The following PLD5 variants were observed in gnomAD, a reference collection of about 807,000 sequenced individuals.
The protein encoded by PLD5 is phospholipase D family member 5, also known as inactive phospholipase D5.
Under a neutral mutation model 61.1 loss-of-function variants are expected in PLD5, and 36 were observed. That is an observed-to-expected ratio of 0.59 (90% CI 0.45 to 0.78). The LOEUF (loss-of-function observed/expected upper bound fraction) is 0.78, where lower values mean the gene tolerates loss of function less well. Among genes scored for constraint, PLD5 ranks in the 30% least tolerant of loss-of-function variants. The pLI is 0.00. For synonymous variants in PLD5, 243 were observed against 242.8 expected, an observed-to-expected ratio of 1.00 and a Z score of -0.01; for missense variants, 515 against 644.4, an observed-to-expected ratio of 0.80 and a Z score of 2.17.
At chr1:242,453,991 T>G (rs894487859) in intron 1 of PLD5, among the ~76,000 whole-genome samples, 4 of 152,126 alleles carry the variant, frequency 2.6e-5, no homozygotes, top group African/African-American at 9.7e-5. Context: ...GCGCTGGTGA[T>G]TAGAGACCCT....
Position 242,162,416 on chromosome 1 carries a change from C to A in PLD5, c.736-37751G>T, listed in dbSNP as rs188196896. On this transcript the variant is annotated intron_variant, in intron 5 of 9. Transcript: ENST00000536534. ...CACTAGGCAATGACTACAACCATTA[C>A]AGGAAGCAGGTCAATATGATTATTG... Among the ~76,000 whole-genome samples the A allele has an allele frequency of 3.3e-5, 5 of 152,234 alleles. No individual in the cohort carries two copies. In the South Asian group the frequency reaches 1.0e-3, roughly 32 times the overall value.
At chr1:242,235,101 G>A (rs390956) in intron 4 of PLD5, among the ~76,000 whole-genome samples, 113,745 of 152,090 alleles carry the variant, frequency 0.75, 42,618 homozygotes, top group South Asian at 0.84. Context: ...CTGAAACGTG[G>A]ATCTCTGTGC....
At chr1:242,399,462 G>A (rs920387690) in intron 1 of PLD5, among the ~76,000 whole-genome samples, 13 of 152,248 alleles carry the variant, frequency 8.5e-5, no homozygotes, top group African/African-American at 2.9e-4. Context: ...AGAAAATGCC[G>A]GATATGTAAA....
At chr1:242,197,194 C>T (rs1475615027) in intron 5 of PLD5, among the ~76,000 whole-genome samples, 1 of 152,194 alleles carries the variant, frequency 6.6e-6, no homozygotes, top group Non-Finnish European at 1.5e-5. Flanking sequence ...CCTTCCTCCC[C>T]TTCCTTACTG....
In PLD5 at chr1:242,288,537, A is replaced by G. The variant is rs1384314657; in HGVS notation, c.327-7T>C. 4.4e-6 allele frequency: 7 copies of G among 1,591,498 alleles called. No individual in the cohort carries two copies. In the Admixed American group the frequency reaches 1.1e-4, roughly 25 times the overall value. ...ATTTTCCACCAGGGCAATTCTTAGA[A>G]AAGATTTTGAAAAACAAACAAACAA... On this transcript the variant is annotated splice_polypyrimidine_tract_variant and splice_region_variant and intron_variant, in intron 2 of 9. Coordinates refer to ENST00000536534, the MANE Select transcript of PLD5 (RefSeq NM_001372062.1).
chr1:242,289,610 C>T (rs1300011945), intron 2 of PLD5, among the ~76,000 whole-genome samples: 1 of 152,152 alleles, frequency 6.6e-6, no homozygotes, highest in Admixed American at 6.5e-5. Flanking sequence ...CTGCCTTGGC[C>T]TCCCAAAGTG....
At chr1:242,297,438 G>T (rs1274169573) in intron 2 of PLD5, among the ~76,000 whole-genome samples, 5 of 135,320 alleles carry the variant, frequency 3.7e-5, no homozygotes, top group African/African-American at 1.4e-4. Flanking sequence ...GCAGGGTCTT[G>T]CTCTGTCATC....
At chr1:242,376,759 G>A (rs771361085) in intron 1 of PLD5, among the ~76,000 whole-genome samples, 5 of 152,066 alleles carry the variant, frequency 3.3e-5, no homozygotes, top group East Asian at 3.9e-4. Flanking sequence ...AATACTTATC[G>A]AGGATATATA....
At chr1:242,184,073 G>C (rs1296946218) in intron 5 of PLD5, among the ~76,000 whole-genome samples, 2 of 152,134 alleles carry the variant, frequency 1.3e-5, no homozygotes, top group African/African-American at 2.4e-5. Flanking sequence ...GTGTGGACCT[G>C]TTCAGCACTG....
At chr1:242,528,830 A>G (rs181503999), upstream of PLD5, among the ~76,000 whole-genome samples, 7 of 152,364 alleles carry the variant, frequency 4.6e-5, no homozygotes, top group East Asian at 1.3e-3. Flanking sequence ...CGATAAAAAA[A>G]TCTCAAATAT....
rs1450360262 is a variant in PLD5 at position 242,170,272 on chromosome 1, T to A, written c.736-45607A>T. Among the ~76,000 whole-genome samples, 3 of 152,194 alleles carry A rather than the reference T, an allele frequency of 2.0e-5. No individual in the cohort carries two copies. The East Asian group carries it at 5.8e-4, about 29-fold the overall frequency. ...ATCTTTGCTGTTCTGCAGCCTCCGC[T>A]AGTGATAACCTAGGCAAACAGGGTC... On this transcript the variant is annotated intron_variant, in intron 5 of 9. Transcript: ENST00000536534.
At chr1:242,198,375 C>G (rs1668774107) in intron 5 of PLD5, among the ~76,000 whole-genome samples, 1 of 152,156 alleles carries the variant, frequency 6.6e-6, no homozygotes, top group Non-Finnish European at 1.5e-5. Context: ...AGTCCTGAAA[C>G]TCTTGCAGAA....
intron 3 of PLD5, among the ~76,000 whole-genome samples, chr1:242,285,906 G>A (rs529100676): frequency 1.4e-4 from 22 of 152,010 alleles, no homozygotes; most frequent in Admixed American, 1.2e-3. Flanking sequence ...TCAGGAATTC[G>A]AGACCAGCCT....
At chr1:242,476,166 C>A (rs1027934933) in intron 1 of PLD5, among the ~76,000 whole-genome samples, 9 of 152,046 alleles carry the variant, frequency 5.9e-5, no homozygotes, top group African/African-American at 2.2e-4. Flanking sequence ...ACCAGCCTGA[C>A]CAACATGGTG....
rs138074272 is a variant in PLD5, at chr1:242,257,365, G to A, written c.607+7972C>T. On this transcript the variant is annotated intron_variant, in intron 4 of 9. Transcript: ENST00000536534. ...AGAAGGGAGGGGGAAGAAAATACAT[G>A]TTTGATTCCAACAGACTGAAAGCTT... Among the ~76,000 whole-genome samples, 150 of 152,302 alleles carry A rather than the reference G, an allele frequency of 9.8e-4. 3 individuals are homozygous for A. In the East Asian group the frequency reaches 0.016, roughly 16 times the overall value.
intron 4 of PLD5, among the ~76,000 whole-genome samples, chr1:242,238,117 C>T (rs1208073061): frequency 1.3e-5 from 2 of 152,114 alleles, no homozygotes; most frequent in Non-Finnish European, 2.9e-5. Context: ...TGGACACAGA[C>T]TGATATACTT....
intron 1 of PLD5, among the ~76,000 whole-genome samples, chr1:242,514,925 G>A (rs1481028987): frequency 3.3e-5 from 5 of 152,198 alleles, no homozygotes; most frequent in African/African-American, 1.2e-4. Flanking sequence ...GAGAAGCATA[G>A]AGTCTGAGGA....
intron 1 of PLD5, among the ~76,000 whole-genome samples, chr1:242,411,623 G>T (rs1204684633): frequency 1.3e-5 from 2 of 152,130 alleles, no homozygotes; most frequent in Admixed American, 1.3e-4. Flanking sequence ...ATACATTTTA[G>T]GAATTTTATA....
intron 5 of PLD5, among the ~76,000 whole-genome samples, chr1:242,126,865 A>C (rs1471889315): frequency 2.0e-5 from 3 of 152,248 alleles, no homozygotes; most frequent in Non-Finnish European, 4.4e-5. Context: ...TCAGCAGAAT[A>C]AACAGACAAC....
Sources: allele counts gnomAD v4.1 joint callset (sites outside exome capture counted in the v4.1 genomes callset), GRCh38; gene constraint gnomAD v4.1.1; transcripts MANE v1.5; gene names NCBI Gene and HGNC (gene_info 2026-07-23, HGNC 2026-07-21).